Variants in RAVER1 observed in about 807,000 individuals in gnomAD.
The protein encoded by RAVER1 is ribonucleoprotein, PTB binding 1.
In RAVER1, 36 loss-of-function variants were observed where a neutral mutation model predicts 68.4. That is an observed-to-expected ratio of 0.53 (90% CI 0.40 to 0.70). The LOEUF is 0.70. Ranked by LOEUF, RAVER1 falls within the 30% of genes least tolerant of loss-of-function variation. RAVER1 has a pLI of 0.00. For synonymous variants in RAVER1, 469 were observed against 472.7 expected, an observed-to-expected ratio of 0.99 and a Z score of 0.10; for missense variants, 933 against 1,019.8, an observed-to-expected ratio of 0.91 and a Z score of 1.16.
In RAVER1 at chr19:10,317,721, G is replaced by C. The variant is rs1424535836; in HGVS notation, c.2042C>G (p.Pro681Arg). Residue 681 changes from proline (P) to arginine (R), a missense_variant, in exon 12 of 13, where the codon CCC becomes CGC. By Grantham distance (103) the Pro-to-Arg change is moderately radical. Around this residue, in one of 3 missense-constraint regions of RAVER1, gnomAD observed 699 missense variants for 731.1 expected, o/e 0.96. Transcript: ENST00000617231. This position sits in a 1 kb window ranked among gnomAD's most constrained non-coding sequence, Gnocchi z 4.3. Reference sequence around the variant, plus strand: ...CAGGTGGCTGTGACCATTAGGCCCGGGGCTGAGGCCCAGGAGCCCTTCTCC... The same window carrying C: ...CAGGTGGCTGTGACCATTAGGCCCGCGGCTGAGGCCCAGGAGCCCTTCTCC... ...GSGEGLLGLS[P>R]GPNGHSHLLK... 6.3e-7 allele frequency: 1 copy of C among 1,596,260 alleles called. No individual in the cohort carries two copies. Among genetic ancestry groups the C allele is most frequent in the Non-Finnish European group, 8.5e-7 (1 of 1,172,750 alleles).
chr19:10,323,218 G>T lies in RAVER1; in HGVS notation c.1005C>A (p.Asn335Lys), dbSNP rs1365111338. ...GGAGGGACGCGGATGGGCCCAGGTT[G>T]TTGAGCAGCTGCAGGATGTTGGGCT... ...LPEPNILQLL[N>K]NLGPSASLQL... Residue 335 changes from asparagine (N) to lysine (K), a missense_variant, in exon 5 of 13, where the codon AAC (asparagine) becomes AAA (lysine). Physicochemically the swap from Asn to Lys is moderately conservative, Grantham distance 94 (BLOSUM62 0). Around this residue, in one of 3 missense-constraint regions of RAVER1, gnomAD observed 699 missense variants for 731.1 expected, o/e 0.96. Transcript: ENST00000617231. The surrounding 1 kb of genome is among the most constrained non-coding windows in gnomAD (Gnocchi z 6.2). 1.2e-6 allele frequency: 2 copies of T among 1,613,312 alleles called. No homozygotes were observed. Among genetic ancestry groups the T allele is most frequent in the Admixed American group, 3.3e-5 (2 of 59,954 alleles).
rs1189032328 is a variant in RAVER1 at position 10,324,000 on chromosome 19, T to C, written c.757-434A>G. Reference sequence around the variant, plus strand: ...CCCGTCTCTACTAAAAATACAAAATTAGCCAGGCGTGGTGGCACATGCCTG... The same window carrying C: ...CCCGTCTCTACTAAAAATACAAAATCAGCCAGGCGTGGTGGCACATGCCTG... On this transcript the variant is annotated intron_variant, in intron 3 of 12. Coordinates refer to ENST00000617231, the MANE Select transcript of RAVER1 (RefSeq NM_133452.3). This position sits in a 1 kb window ranked among gnomAD's most constrained non-coding sequence, Gnocchi z 6.2. 4.0e-5 allele frequency among the ~76,000 whole-genome samples: 6 copies of C among 151,660 alleles called. No individual in the cohort carries two copies. The highest frequency in any genetic ancestry group is 8.8e-5 in the Non-Finnish European group (6 of 67,922).
Position 10,333,518 on chromosome 19 carries a change from C to T in RAVER1, c.-11G>A. 1 of 1,593,174 alleles carries T rather than the reference C, an allele frequency of 6.3e-7. No homozygotes were observed. The highest frequency in any genetic ancestry group is 8.5e-7 in the Non-Finnish European group (1 of 1,170,902). ...CACGTCCGCCGCCATCTTGGGAAAC[C>T]CGGCGCCTTCTGGGACCAGCGAGCC... is the stretch of plus-strand genomic sequence containing the variant. On this transcript the variant is annotated 5_prime_UTR_variant, in exon 1 of 13. Coordinates refer to ENST00000617231, the MANE Select transcript of RAVER1 (RefSeq NM_133452.3). The surrounding 1 kb of genome is among the most constrained non-coding windows in gnomAD (Gnocchi z 4.2).
rs759968378 is a variant in RAVER1, at chr19:10,317,538, T to G, written c.2136A>C (p.Pro712=). ...AGTGCTGGCCCACATAGCTGCCTTC[T>G]GGGCTGGGCTCGGGCGAGGGCAGCA... The part of the protein sequence containing the change: ...AHLLPSPEPS[P]EGSYVGQHSQ... The change falls in exon 13 of 13, where the codon CCA becomes CCC. Residue 712 remains proline, a synonymous_variant. Coordinates refer to ENST00000617231, the MANE Select transcript of RAVER1 (RefSeq NM_133452.3). The surrounding 1 kb of genome is among the most constrained non-coding windows in gnomAD (Gnocchi z 4.3). 1 of 1,613,076 alleles carries G rather than the reference T, an allele frequency of 6.2e-7. No homozygotes were observed. Among genetic ancestry groups the G allele is most frequent in the Non-Finnish European group, 8.5e-7 (1 of 1,179,476 alleles).
rs1311843254 is a variant in RAVER1, at chr19:10,322,848, G to GC, written c.1079-110dup. On this transcript the variant is annotated intron_variant, in intron 5 of 12. Transcript: ENST00000617231. This position sits in a 1 kb window ranked among gnomAD's most constrained non-coding sequence, Gnocchi z 4.3. ...TGGGGCAGGAAACTGACACTCTGGG[G>GC]CCGGGGGGTGGGCAGTGGACTTGCC... 3.1e-6 allele frequency: 2 copies of GC among 635,272 alleles called. No homozygotes were observed. The highest frequency in any genetic ancestry group is 5.1e-6 in the Non-Finnish European group (2 of 389,728). 39.4% of individuals were successfully genotyped at this position (635,272 alleles called of 1,614,324 possible).
At chr19:10,332,857 T>A (rs1325772258) in intron 1 of RAVER1, among the ~76,000 whole-genome samples, 1 of 152,138 alleles carries the variant, frequency 6.6e-6, no homozygotes, top group Non-Finnish European at 1.5e-5. Context: ...ACGCGTGATA[T>A]GGAGGGGCGT....
In RAVER1 at chr19:10,317,437, T is replaced by C. The variant is rs752900668; in HGVS notation, c.*17A>G. The stretch of plus-strand genomic sequence containing the variant: ...CGATTTGGTGCAGGCCCTTGAGTTA[T>C]CTCTGGTGCCAGCCACTTAGAAAAT... On this transcript the variant is annotated 3_prime_UTR_variant, in exon 13 of 13. Coordinates refer to ENST00000617231, the MANE Select transcript of RAVER1 (RefSeq NM_133452.3). This position sits in a 1 kb window ranked among gnomAD's most constrained non-coding sequence, Gnocchi z 4.3. 6.2e-7 allele frequency: 1 copy of C among 1,613,326 alleles called. No homozygotes were observed. The highest frequency in any genetic ancestry group is 8.5e-7 in the Non-Finnish European group (1 of 1,179,410).
In RAVER1 at chr19:10,317,832, C is replaced by T; in HGVS notation, c.1990-59G>A. ...CCTGGGGGCCAGAGGAAGCACCCAC[C>T]CCGCCCCCCTGCCACTGCCCCCCAG... On this transcript the variant is annotated intron_variant, in intron 11 of 12. Transcript: ENST00000617231. This position sits in a 1 kb window ranked among gnomAD's most constrained non-coding sequence, Gnocchi z 4.3. 2.0e-6 allele frequency: 2 copies of T among 990,874 alleles called. No homozygotes were observed. Among genetic ancestry groups the T allele is most frequent in the Non-Finnish European group, 3.1e-6 (2 of 639,804 alleles). 61.4% of individuals were successfully genotyped at this position (990,874 alleles called of 1,614,324 possible).
rs2040386811 is a variant in RAVER1 at position 10,316,272 on chromosome 19, G to C, written c.*1182C>G. 7.8e-7 allele frequency: 1 copy of C among 1,283,384 alleles called. No homozygotes were observed. Among genetic ancestry groups the C allele is most frequent in the Non-Finnish European group, 9.8e-7 (1 of 1,015,746 alleles). The allele number at this position is 1,283,384 out of a possible 1,614,324, so 79.5% of individuals were successfully genotyped here. On this transcript the variant is annotated 3_prime_UTR_variant, in exon 13 of 13. Coordinates refer to ENST00000617231, the MANE Select transcript of RAVER1 (RefSeq NM_133452.3). ...AGCAAAGGTCCGTGTGGGGAGACTG[G>C]GGTGGGGTCGGGGGAATAGTCCCCT...
In RAVER1 at chr19:10,320,800, G is replaced by T; in HGVS notation, c.1625C>A (p.Pro542His). ...TCCAGGGGCTGGGGGGTTAGTTGGGGGGCCCTCAGCTGGGCGGCGGCTTCT... is the reference window on the plus strand; with the variant it reads ...TCCAGGGGCTGGGGGGTTAGTTGGGTGGCCCTCAGCTGGGCGGCGGCTTCT... The part of the protein sequence containing the change: ...AGRSRRPAEG[P>H]PTNPPAPGGG... The change falls in exon 9 of 13, where the codon CCC becomes CAC. Residue 542 changes from proline (P) to histidine (H), a missense_variant. Physicochemically the swap from Pro to His is moderately conservative, Grantham distance 77. Coordinates refer to ENST00000617231, the MANE Select transcript of RAVER1 (RefSeq NM_133452.3). 1.3e-6 allele frequency: 2 copies of T among 1,516,558 alleles called. No homozygotes were observed. Among genetic ancestry groups the T allele is most frequent in the Non-Finnish European group, 1.8e-6 (2 of 1,140,668 alleles). 93.9% of individuals were successfully genotyped at this position (1,516,558 alleles called of 1,614,324 possible).
chr19:10,330,503 G>T lies in RAVER1; in HGVS notation c.243C>A (p.Asp81Glu). The stretch of plus-strand genomic sequence containing the variant: ...CCACAAAACAGTATTTGAGCTCATA[G>T]TCACTGAGCAGGTCATGTACTTCCT... Reference protein sequence around the residue: ...TNQEVHDLLSDYELKYCFVDK... With the variant: ...TNQEVHDLLSEYELKYCFVDK... Residue 81 changes from aspartate (D) to glutamate (E), a missense_variant, in exon 2 of 13, where the codon GAC becomes GAA. Around this residue, in one of 3 missense-constraint regions of RAVER1, gnomAD observed 211 missense variants for 230.0 expected, o/e 0.92. Transcript: ENST00000617231. 6.5e-7 allele frequency: 1 copy of T among 1,532,416 alleles called. No homozygotes were observed. The highest frequency in any genetic ancestry group is 8.9e-7 in the Non-Finnish European group (1 of 1,120,510). 94.9% of individuals were successfully genotyped at this position (1,532,416 alleles called of 1,614,324 possible). A position where few individuals can be genotyped will look rare whatever the true frequency, so the allele number is the denominator to read the frequency against.
At chr19:10,320,531 A>C in intron 9 of RAVER1, 124 bp downstream of exon 9, 2 of 742,870 alleles carry the variant, frequency 2.7e-6, no homozygotes, top group Non-Finnish European at 4.1e-6. Flanking sequence ...AAAAGCAGAG[A>C]CCATATCTGG....
Position 10,329,509 on chromosome 19 carries a change from T to G in RAVER1, c.287-398A>C, listed in dbSNP as rs981590218. On this transcript the variant is annotated intron_variant, in intron 2 of 12. Coordinates refer to ENST00000617231, the MANE Select transcript of RAVER1 (RefSeq NM_133452.3). The surrounding 1 kb of genome is among the most constrained non-coding windows in gnomAD (Gnocchi z 4.6). ...TCCTCATCTCTCAAATGGATATAAC[T>G]TAATCATCACAATCACCATTTTGCC... Among the ~76,000 whole-genome samples the G allele has an allele frequency of 2.0e-5, 3 of 152,156 alleles. No individual in the cohort carries two copies. The highest frequency in any genetic ancestry group is 4.4e-5 in the Non-Finnish European group (3 of 68,020).
chr19:10,331,578 C>A (rs968746769), intron 1 of RAVER1, among the ~76,000 whole-genome samples: 1 of 143,256 alleles, frequency 7.0e-6, no homozygotes, highest in East Asian at 2.2e-4. Context: ...CCTAGCTACT[C>A]GGGAGACTGA....
intron 1 of RAVER1, among the ~76,000 whole-genome samples, chr19:10,330,908 AC>A (rs1479392456): frequency 1.3e-5 from 2 of 151,786 alleles, no homozygotes; most frequent in African/African-American, 4.8e-5. Context: ...TACTAAAAAT[AC>A]AAAAATTAGC....
Position 10,328,781 on chromosome 19 carries a change from T to C in RAVER1, c.617A>G (p.His206Arg). The C allele has an allele frequency of 6.2e-7, 1 of 1,613,186 alleles. No homozygotes were observed. Among genetic ancestry groups the C allele is most frequent in the East Asian group, 2.2e-5 (1 of 44,890 alleles). ...CGTCAGTTGCCCGGCATCCGTCCAG[T>C]GCACGTAGAGGGTGCGTGGTCCCAG... ...KPLGPRTLYV[H>R]WTDAGQLTPA... is the part of the protein sequence containing the mutation. The change falls in exon 3 of 13, where the codon CAC becomes CGC. Residue 206 changes from histidine to arginine, a missense_variant. By Grantham distance (29) the His-to-Arg change is conservative (BLOSUM62 0). This residue lies in a region of RAVER1 where 23 missense variants were observed against 58.7 expected (regional missense o/e 0.39). Transcript: ENST00000617231. This position sits in a 1 kb window ranked among gnomAD's most constrained non-coding sequence, Gnocchi z 4.4.
chr19:10,323,411 G>A lies in RAVER1; in HGVS notation c.912C>T (p.Arg304=). ...VSFCAPGPPG[R]SMLAALIAAQ... ...CAGCGATGAGAGCGGCCAGCATACT[G>A]CGGCCGGGGGGCCCAGGGGCGCAGA... Residue 304 remains arginine, a synonymous_variant, in exon 4 of 13, where the codon CGC becomes CGT. Transcript: ENST00000617231. The surrounding 1 kb of genome is among the most constrained non-coding windows in gnomAD (Gnocchi z 6.2). The A allele has an allele frequency of 6.2e-7, 1 of 1,606,582 alleles. No individual in the cohort carries two copies. The highest frequency in any genetic ancestry group is 8.5e-7 in the Non-Finnish European group (1 of 1,177,264).
intron 3 of RAVER1, among the ~76,000 whole-genome samples, chr19:10,326,021 C>T (rs1159648978): frequency 3.3e-5 from 5 of 151,958 alleles, no homozygotes; most frequent in Non-Finnish European, 7.4e-5. Flanking sequence ...TTGGGGAGGC[C>T]GAGGCAGGTG....
intron 1 of RAVER1, among the ~76,000 whole-genome samples, chr19:10,331,302 A>G (rs1264284881): frequency 7.4e-6 from 1 of 135,966 alleles, no homozygotes. Context: ...GTGAGCCGAG[A>G]TTGCGCCACT....
Sources: allele counts gnomAD v4.1 joint callset (sites outside exome capture counted in the v4.1 genomes callset), GRCh38; gene constraint gnomAD v4.1.1; regional missense constraint gnomAD v4.1.1; non-coding constraint Gnocchi (gnomAD v3.1); transcripts MANE v1.5; gene names NCBI Gene and HGNC (gene_info 2026-07-23, HGNC 2026-07-21).